OSBPL10: variants seen among roughly 807,000 people sequenced by gnomAD.
OSBPL10 encodes the protein oxysterol binding protein like 10, also known as oxysterol-binding protein-related protein 10.
OSBPL10 carries 49 observed loss-of-function variants against 81.7 expected under a neutral mutation model. That is an observed-to-expected ratio of 0.60 (90% CI 0.48 to 0.76). The LOEUF (loss-of-function observed/expected upper bound fraction) is 0.76, where lower values mean the gene tolerates loss of function less well. Ranked by LOEUF, OSBPL10 falls within the 30% of genes least tolerant of loss-of-function variation. The pLI is 0.00. For synonymous variants in OSBPL10, 419 were observed against 383.6 expected (o/e 1.09, Z -1.08); for missense variants, 923 against 987.8 (o/e 0.93, Z 0.88).
chr3:31,845,377 T>C (rs1434568545), intron 3 of OSBPL10, among the ~76,000 whole-genome samples: 1 of 152,200 alleles, frequency 6.6e-6, no homozygotes, highest in African/African-American at 2.4e-5. Context: ...CTGGAAGCAA[T>C]GACTCAAAAT....
At chr3:31,853,081 AG>A (rs2125580640) in intron 3 of OSBPL10, among the ~76,000 whole-genome samples, 1 of 152,268 alleles carries the variant, frequency 6.6e-6, no homozygotes, top group Non-Finnish European at 1.5e-5. Flanking sequence ...TAGTCCAAAG[AG>A]GTATGCAGAT....
At chr3:32,074,354 ATG>A (rs1207470103) in intron 1 of OSBPL10, among the ~76,000 whole-genome samples, 1 of 152,036 alleles carries the variant, frequency 6.6e-6, no homozygotes, top group Non-Finnish European at 1.5e-5. Flanking sequence ...CCACTCCTTT[ATG>A]CATCTCTCGA....
chr3:31,704,803 C>G (rs1696007940), intron 6 of OSBPL10: 2 of 152,198 alleles, frequency 1.3e-5, no homozygotes, highest in South Asian at 4.1e-4. Context: ...CTTCGGGGAC[C>G]ACACCTCCTC....
intron 7 of OSBPL10, among the ~76,000 whole-genome samples, chr3:31,690,194 C>G (rs1457909391): frequency 6.6e-6 from 1 of 152,208 alleles, no homozygotes; most frequent in Non-Finnish European, 1.5e-5. Context: ...GGGCACACTT[C>G]CCCTTGCTGT....
chr3:32,026,309 T>C (rs1699413251), intron 2 of OSBPL10, among the ~76,000 whole-genome samples: 1 of 152,120 alleles, frequency 6.6e-6, no homozygotes, highest in African/African-American at 2.4e-5. Flanking sequence ...GCTAACTTTT[T>C]GAATTTTATA....
chr3:32,045,792 T>TGGGTGTGTACC (rs1699615851), intron 2 of OSBPL10: 1 of 152,250 alleles, frequency 6.6e-6, no homozygotes, highest in South Asian at 2.1e-4. Flanking sequence ...GGGATTTGTA[T>TGGGTGTGTACC]GGGTGTGTAC....
intron 6 of OSBPL10, among the ~76,000 whole-genome samples, chr3:31,710,426 C>G (rs182163231): frequency 6.6e-6 from 1 of 152,276 alleles, no homozygotes; most frequent in Admixed American, 6.5e-5. Context: ...CCCACAGCTT[C>G]CCTCTCAAAG....
intron 6 of OSBPL10, chr3:31,717,026 T>C (rs1253333752): frequency 1.3e-5 from 2 of 152,224 alleles, no homozygotes; most frequent in Non-Finnish European, 2.9e-5. Flanking sequence ...ACGGTTTTGA[T>C]TTACAAGTCA....
chr3:31,700,375 A>G (rs932961327), intron 7 of OSBPL10: 3 of 152,158 alleles, frequency 2.0e-5, no homozygotes, highest in African/African-American at 7.2e-5. Context: ...GCTTGCCATA[A>G]TATAGTCCCC....
intron 1 of OSBPL10, among the ~76,000 whole-genome samples, chr3:32,073,275 C>A (rs1205056670): frequency 1.3e-5 from 2 of 152,160 alleles, no homozygotes; most frequent in African/African-American, 4.8e-5. Context: ...GGCTGCTAAT[C>A]TTCTCTTGCC....
In OSBPL10 at chr3:31,928,762, C is replaced by CCAAAAA. The variant is rs768296819; in HGVS notation, c.282-48933_282-48932insTTTTTG. Among the ~76,000 whole-genome samples, 178 of 95,054 alleles carry CCAAAAA rather than the reference C, an allele frequency of 1.9e-3. 3 individuals carry two copies. The highest frequency in any genetic ancestry group is 4.4e-3 in the East Asian group (15 of 3,376). The allele number at this position is 95,054 out of a possible 152,430, so 62.4% of individuals were successfully genotyped here. A position where few individuals can be genotyped will look rare whatever the true frequency, so the allele number is the denominator to read the frequency against. ...TCTGGGCGACAGTGAGACTTGTCTC[C>CCAAAAA]AAAAAAAAAAAAAAAAAAAGAATGC... On this transcript the variant is annotated intron_variant, in intron 1 of 11. Coordinates refer to ENST00000396556, the MANE Select transcript of OSBPL10 (RefSeq NM_017784.5).
chr3:31,760,880 G>A lies in OSBPL10; in HGVS notation c.730-12760C>T, dbSNP rs577435403. ...GATGTTTAACTTTTTTCTCTATGAC[G>A]GATTACGGTTCAACAAACTCTCTGT... On this transcript the variant is annotated intron_variant, in intron 4 of 11. Coordinates refer to ENST00000396556, the MANE Select transcript of OSBPL10 (RefSeq NM_017784.5). Among the ~76,000 whole-genome samples, 123 of 151,980 alleles carry A rather than the reference G, an allele frequency of 8.1e-4. 2 individuals carry two copies. In the South Asian group the frequency reaches 9.6e-3, roughly 12 times the overall value.
chr3:31,955,201 A>T (rs759776135), intron 1 of OSBPL10, among the ~76,000 whole-genome samples: 1 of 152,258 alleles, frequency 6.6e-6, no homozygotes, highest in Non-Finnish European at 1.5e-5. Flanking sequence ...AGATAACAGT[A>T]ATACAGTAAT....
chr3:32,068,823 T>G (rs1044591577), intron 1 of OSBPL10, among the ~76,000 whole-genome samples: 3 of 151,998 alleles, frequency 2.0e-5, no homozygotes, highest in Admixed American at 6.6e-5. Context: ...CAACCCCAAG[T>G]GTCACTGAGT....
intron 2 of OSBPL10, among the ~76,000 whole-genome samples, chr3:32,024,764 G>C (rs190055583): frequency 6.6e-6 from 1 of 151,984 alleles, no homozygotes; most frequent in Non-Finnish European, 1.5e-5. Flanking sequence ...ATGAGCTACC[G>C]TGCCCGGCCG....
At chr3:31,985,354 A>G (rs1698919752), upstream of OSBPL10, among the ~76,000 whole-genome samples, 2 of 152,270 alleles carry the variant, frequency 1.3e-5, no homozygotes, top group Admixed American at 6.5e-5. Flanking sequence ...AAACGTAAAT[A>G]GAATGACTGG....
intron 1 of OSBPL10, among the ~76,000 whole-genome samples, chr3:31,902,258 ATTT>A (rs574112153): frequency 0.21 from 24,253 of 117,710 alleles, 2,120 homozygotes; most frequent in Admixed American, 0.29. Flanking sequence ...TCTTGTCAGT[ATTT>A]TTTTTTTTTT....
intron 1 of OSBPL10, among the ~76,000 whole-genome samples, chr3:32,074,110 C>T (rs758662604): frequency 2.6e-5 from 4 of 152,072 alleles, no homozygotes; most frequent in Admixed American, 6.5e-5. Flanking sequence ...CTCTACAGGC[C>T]GACTGGGCTA....
intron 1 of OSBPL10, among the ~76,000 whole-genome samples, chr3:31,934,206 C>CT (rs139632641): frequency 0.15 from 22,536 of 151,688 alleles, 1,982 homozygotes; most frequent in South Asian, 0.26. Context: ...ATGGTGATGC[C>CT]TGTCTGTGGT....
Sources: allele counts gnomAD v4.1 joint callset (sites outside exome capture counted in the v4.1 genomes callset), GRCh38; gene constraint gnomAD v4.1.1; transcripts MANE v1.5; gene names NCBI Gene and HGNC (gene_info 2026-07-23, HGNC 2026-07-21).